VSIR: variants seen among roughly 807,000 people sequenced by gnomAD.
VSIR encodes V-type immunoglobulin domain-containing suppressor of T-cell activation.
VSIR carries 10 observed loss-of-function variants against 31.0 expected under a neutral mutation model. That is an observed-to-expected ratio of 0.32 (90% CI 0.20 to 0.55). VSIR has a LOEUF of 0.55. Ranked by LOEUF, VSIR falls within the 20% of genes least tolerant of loss-of-function variation. VSIR has a pLI of 0.93. For missense variants in VSIR, 356 were observed against 416.2 expected, an observed-to-expected ratio of 0.86 and a Z score of 1.26; for synonymous variants, 179 against 180.1, an observed-to-expected ratio of 0.99 and a Z score of 0.05.
intron 1 of VSIR, among the ~76,000 whole-genome samples, chr10:71,763,503 G>T (rs1439048314): frequency 1.3e-5 from 2 of 152,098 alleles, no homozygotes; most frequent in South Asian, 2.1e-4. Flanking sequence ...CAGGACCCTC[G>T]GCGGCAGGCT....
At chr10:71,770,907 G>C (rs987318930) in intron 1 of VSIR, among the ~76,000 whole-genome samples, 1 of 152,148 alleles carries the variant, frequency 6.6e-6, no homozygotes, top group Admixed American at 6.5e-5. Context: ...TCATGCCAGG[G>C]ACTGGCCTCA....
intron 2 of VSIR, among the ~76,000 whole-genome samples, 160 bp from the exon 3 acceptor site, chr10:71,761,084 C>T (rs1412785354): frequency 2.0e-5 from 3 of 152,204 alleles, no homozygotes; most frequent in African/African-American, 4.8e-5. Flanking sequence ...CACCCACACA[C>T]ACCCTGGCAT....
At chr10:71,759,187 A>G (rs1371021462) in intron 3 of VSIR, among the ~76,000 whole-genome samples, 1 of 151,386 alleles carries the variant, frequency 6.6e-6, no homozygotes, top group Non-Finnish European at 1.5e-5. Context: ...ACAGGCGTGC[A>G]CCACCATGCC....
At chr10:71,767,230 T>G (rs1336246281) in intron 1 of VSIR, among the ~76,000 whole-genome samples, 1 of 152,216 alleles carries the variant, frequency 6.6e-6, no homozygotes, top group Admixed American at 6.5e-5. Flanking sequence ...GGGTGACCCC[T>G]GTGAGTGTGC....
intron 3 of VSIR, among the ~76,000 whole-genome samples, chr10:71,758,489 C>G (rs1840207047): frequency 6.6e-6 from 1 of 152,204 alleles, no homozygotes; most frequent in Non-Finnish European, 1.5e-5. Context: ...GCCAGGCACC[C>G]TTAGGGCAGT....
chr10:71,753,121 C>T, intron 4 of VSIR, 119 bp from the exon 5 acceptor site: 7 of 1,165,466 alleles, frequency 6.0e-6, no homozygotes, highest in Non-Finnish European at 8.4e-6. Flanking sequence ...GGGCCCTGCA[C>T]AGCTCCGGAC....
rs148987018 is a variant in VSIR, at chr10:71,748,119, C to G, written c.*3134G>C. 1 of 152,044 alleles carries G rather than the reference C, an allele frequency of 6.6e-6. No individual in the cohort carries two copies. The highest frequency in any genetic ancestry group is 1.5e-5 in the Non-Finnish European group (1 of 68,066). The allele number at this position is 152,044 out of a possible 1,614,324, so 9.4% of individuals were successfully genotyped here. On this transcript the variant is annotated 3_prime_UTR_variant, in exon 7 of 7. Coordinates refer to ENST00000394957, the MANE Select transcript of VSIR (RefSeq NM_022153.2). ...CAGTCAGGCCAGCCCTGGGGAAGGC[C>G]TCATTCATGAGGCAGGACCCCAGGG...
Position 71,755,417 on chromosome 10 carries a change from G to A in VSIR, c.618C>T (p.Leu206=), listed in dbSNP as rs1186317060. The change falls in exon 4 of 7, where the codon CTC becomes CTT. Residue 206 remains leucine (L), a synonymous_variant. Transcript: ENST00000394957. ...CCAGGAGCAGGATGAGGGGGAGGCAGAGGATTCCTACGATGCAGGCACCCG... is the reference window on the plus strand; with the variant it reads ...CCAGGAGCAGGATGAGGGGGAGGCAAAGGATTCCTACGATGCAGGCACCCG... ...LATGACIVGI[L]CLPLILLLVY... The A allele has an allele frequency of 1.2e-6, 2 of 1,613,568 alleles. No individual in the cohort carries two copies. Among genetic ancestry groups the A allele is most frequent in the South Asian group, 2.2e-5 (2 of 91,004 alleles).
At chr10:71,752,257 AG>A (rs1840023939) in intron 5 of VSIR, among the ~76,000 whole-genome samples, 1 of 152,194 alleles carries the variant, frequency 6.6e-6, no homozygotes, top group Non-Finnish European at 1.5e-5. Flanking sequence ...TCTTGAGCTG[AG>A]GGGAGGGGTT....
rs1332341111 is a variant in VSIR at position 71,752,888 on chromosome 10, C to T, written c.704+87G>A. 4 of 1,490,162 alleles carry T rather than the reference C, an allele frequency of 2.7e-6. No individual in the cohort carries two copies. The African/African-American group carries it at 5.6e-5, about 21-fold the overall frequency. The allele number at this position is 1,490,162 out of a possible 1,614,324, so 92.3% of individuals were successfully genotyped here. A position where few individuals can be genotyped will look rare whatever the true frequency, so the allele number is the denominator to read the frequency against. On this transcript the variant is annotated intron_variant, in intron 5 of 6. Coordinates refer to ENST00000394957, the MANE Select transcript of VSIR (RefSeq NM_022153.2). Reference sequence around the variant, plus strand: ...TCTTCTGACCAGCTGCTCTAGGCAGCTAAACAGGGCCCCTACTGCACAGAA... The same window carrying T: ...TCTTCTGACCAGCTGCTCTAGGCAGTTAAACAGGGCCCCTACTGCACAGAA...
chr10:71,761,424 A>G (rs1422885018), intron 2 of VSIR, among the ~76,000 whole-genome samples, 174 bp downstream of exon 2: 1 of 151,970 alleles, frequency 6.6e-6, no homozygotes, highest in Admixed American at 6.6e-5. Context: ...CCAGCTAACT[A>G]CAAACCCACA....
intron 1 of VSIR, among the ~76,000 whole-genome samples, chr10:71,765,099 C>G (rs886328271): frequency 6.6e-6 from 1 of 152,196 alleles, no homozygotes; most frequent in Non-Finnish European, 1.5e-5. Flanking sequence ...CCCACGTACT[C>G]CCAGGAAGAA....
chr10:71,753,188 G>C (rs1840050306), intron 4 of VSIR, among the ~76,000 whole-genome samples, 186 bp from the exon 5 acceptor site: 1 of 152,234 alleles, frequency 6.6e-6, no homozygotes, highest in Non-Finnish European at 1.5e-5. Flanking sequence ...CTGTCCAGCA[G>C]ATGGGGCCTC....
chr10:71,756,677 C>T (rs777661964), intron 3 of VSIR, among the ~76,000 whole-genome samples: 43 of 152,310 alleles, frequency 2.8e-4, no homozygotes, highest in African/African-American at 9.9e-4. Context: ...TGGGAACAGA[C>T]GTGCCCTCAG....
chr10:71,755,241 T>A lies in VSIR; in HGVS notation c.676+118A>T, dbSNP rs962819673. 33 of 963,030 alleles carry A rather than the reference T, an allele frequency of 3.4e-5. 1 individual carries two copies. In the South Asian group the frequency reaches 4.4e-4, roughly 13 times the overall value. The allele number at this position is 963,030 out of a possible 1,614,324, so 59.7% of individuals were successfully genotyped here. A position where few individuals can be genotyped will look rare whatever the true frequency, so the allele number is the denominator to read the frequency against. On this transcript the variant is annotated intron_variant, in intron 4 of 6. Coordinates refer to ENST00000394957, the MANE Select transcript of VSIR (RefSeq NM_022153.2). The stretch of plus-strand genomic sequence containing the variant: ...GGCGGGAAGTGCAGCTGCTCCCAAC[T>A]CTCAAATGAAAAGGAATTGTGCCTG...
chr10:71,763,006 T>A (rs1353348799), intron 1 of VSIR, among the ~76,000 whole-genome samples: 1 of 152,200 alleles, frequency 6.6e-6, no homozygotes, highest in Non-Finnish European at 1.5e-5. Flanking sequence ...TCTATCTAAC[T>A]GTATGAGCCT....
At chr10:71,772,369 T>C (rs573695002) in intron 1 of VSIR, among the ~76,000 whole-genome samples, 1 of 152,208 alleles carries the variant, frequency 6.6e-6, no homozygotes, top group African/African-American at 2.4e-5. Context: ...TCCCTCCGAG[T>C]CCCTGCATGA....
chr10:71,755,976 GT>G (rs1463199718), intron 3 of VSIR, among the ~76,000 whole-genome samples: 1 of 152,078 alleles, frequency 6.6e-6, no homozygotes, highest in African/African-American at 2.4e-5. Context: ...CATTATATAT[GT>G]TTTATCATAA....
intron 3 of VSIR, among the ~76,000 whole-genome samples, chr10:71,756,088 G>A (rs1296390166): frequency 6.6e-6 from 1 of 152,058 alleles, no homozygotes; most frequent in East Asian, 1.9e-4. Context: ...GAAACACCCG[G>A]GGTGAGAACT....
Sources: gnomAD v4.1 joint callset for allele counts (sites outside exome capture counted in the v4.1 genomes callset) on GRCh38, gnomAD v4.1.1 for gene constraint, MANE v1.5 for transcripts, NCBI Gene and HGNC (gene_info 2026-07-23, HGNC 2026-07-21) for gene names.